FBXO28: variants seen among roughly 807,000 people sequenced by gnomAD.
FBXO28 encodes the protein F-box protein 28, also known as F-box only protein 28.
Under a neutral mutation model 38.1 loss-of-function variants are expected in FBXO28, and 8 were observed. That is an observed-to-expected ratio of 0.21 (90% confidence interval 0.12 to 0.38). FBXO28 has a LOEUF of 0.38. Ranked by LOEUF, FBXO28 falls within the 10% of genes least tolerant of loss-of-function variation. The probability of loss-of-function intolerance (pLI) is 1.00; values close to 1 mark genes in which losing one functional copy is unlikely to be tolerated. For missense variants in FBXO28, 345 were observed against 460.6 expected, an observed-to-expected ratio of 0.75 and a Z score of 2.30; for synonymous variants, 168 against 173.8, an observed-to-expected ratio of 0.97 and a Z score of 0.26.
intron 1 of FBXO28, among the ~76,000 whole-genome samples, chr1:224,118,000 AATTT>A (rs538990108): frequency 5.8e-4 from 33 of 57,382 alleles, no homozygotes; most frequent in African/African-American, 1.1e-3. Flanking sequence ...TTAATTAATT[AATTT>A]ATTTATTTAT....
chr1:224,134,668 C>T (rs922674079), intron 3 of FBXO28, among the ~76,000 whole-genome samples: 22 of 152,272 alleles, frequency 1.4e-4, no homozygotes, highest in African/African-American at 4.1e-4. Context: ...TTGCTATTTA[C>T]CAATATTCCC....
intron 1 of FBXO28, among the ~76,000 whole-genome samples, chr1:224,117,267 A>G (rs1450529877): frequency 7.1e-6 from 1 of 140,232 alleles, no homozygotes; most frequent in East Asian, 2.1e-4. Flanking sequence ...CCTGGGGTTC[A>G]AGCGATTCTC....
intron 1 of FBXO28, among the ~76,000 whole-genome samples, chr1:224,123,928 G>A (rs1048789681): frequency 5.3e-5 from 8 of 151,460 alleles, no homozygotes; most frequent in African/African-American, 1.7e-4. Context: ...GATCAACATG[G>A]TGAAACCCTG....
chr1:224,126,469 A>G (rs1656905775), intron 1 of FBXO28, among the ~76,000 whole-genome samples: 1 of 152,240 alleles, frequency 6.6e-6, no homozygotes. Context: ...AGGTTGTGTT[A>G]GAGGGTACCT....
chr1:224,116,482 C>A (rs1377573935), intron 1 of FBXO28, among the ~76,000 whole-genome samples: 1 of 152,074 alleles, frequency 6.6e-6, no homozygotes, highest in African/African-American at 2.4e-5. Flanking sequence ...ATATAAGTTA[C>A]GTAGTTCTCT....
chr1:224,129,382 C>T (rs1335960564), intron 1 of FBXO28, among the ~76,000 whole-genome samples: 1 of 152,142 alleles, frequency 6.6e-6, no homozygotes, highest in South Asian at 2.1e-4. Flanking sequence ...AATATAAAGG[C>T]CTTGGCCATC....
intron 3 of FBXO28, among the ~76,000 whole-genome samples, chr1:224,136,791 G>A (rs1241553029): frequency 2.0e-5 from 3 of 151,020 alleles, no homozygotes; most frequent in Admixed American, 1.3e-4. Context: ...TCGTTCTGTC[G>A]CCCAGGCTGG....
intron 3 of FBXO28, among the ~76,000 whole-genome samples, chr1:224,136,100 A>ATTTTTTTTTTT (rs1558191323): frequency 1.2e-4 from 1 of 8,640 alleles, no homozygotes; most frequent in African/African-American, 5.5e-4. Context: ...TGTTGACTTC[A>ATTTTTTTTTTT]GTTTTTTTTT....
intron 3 of FBXO28, among the ~76,000 whole-genome samples, chr1:224,147,857 C>G (rs1241967770): frequency 6.7e-6 from 1 of 148,898 alleles, no homozygotes; most frequent in South Asian, 2.1e-4. Context: ...ATTAAATCTA[C>G]TCAGAAAATG....
At chr1:224,149,809 G>C (rs1026070282) in intron 3 of FBXO28, among the ~76,000 whole-genome samples, 3 of 152,142 alleles carry the variant, frequency 2.0e-5, no homozygotes, top group South Asian at 2.1e-4. Context: ...ATTGGAGGAG[G>C]GTTCAGAAAA....
In FBXO28 at chr1:224,161,457, G is replaced by C. The variant is rs1270178207; in HGVS notation, c.*3711G>C. 6.6e-6 allele frequency: 1 copy of C among 152,168 alleles called. No homozygotes were observed. The highest frequency in any genetic ancestry group is 2.4e-5 in the African/African-American group (1 of 41,450). 9.4% of individuals were successfully genotyped at this position (152,168 alleles called of 1,614,324 possible). A position where few individuals can be genotyped will look rare whatever the true frequency, so the allele number is the denominator to read the frequency against. On this transcript the variant is annotated 3_prime_UTR_variant, in exon 5 of 5. Coordinates refer to ENST00000366862, the MANE Select transcript of FBXO28 (RefSeq NM_015176.4). ...TGATTTCTGATATGAAACCCAACTTGATACACTGTTTGGTTCTTTGACTTG... is the reference window on the plus strand; with the variant it reads ...TGATTTCTGATATGAAACCCAACTTCATACACTGTTTGGTTCTTTGACTTG...
chr1:224,161,546 A>G lies in FBXO28; in HGVS notation c.*3800A>G, dbSNP rs1378219512. 1 of 152,260 alleles carries G rather than the reference A, an allele frequency of 6.6e-6. No individual in the cohort carries two copies. The highest frequency in any genetic ancestry group is 1.9e-4 in the East Asian group (1 of 5,206). 9.4% of individuals were successfully genotyped at this position (152,260 alleles called of 1,614,324 possible). A position where few individuals can be genotyped will look rare whatever the true frequency, so the allele number is the denominator to read the frequency against. On this transcript the variant is annotated 3_prime_UTR_variant, in exon 5 of 5. Transcript: ENST00000366862. ...TAAGTTAAAACTACTTTAAACTTGT[A>G]TAGCCTGCCATCTGAGGTGAATTAT...
At chr1:224,154,202 C>T (rs1408559849) in intron 4 of FBXO28, among the ~76,000 whole-genome samples, 1 of 152,196 alleles carries the variant, frequency 6.6e-6, no homozygotes, top group East Asian at 1.9e-4. Flanking sequence ...ACTTCCTTAG[C>T]TTACAGTTGG....
rs555801146 is a variant in FBXO28 at position 224,142,426 on chromosome 1, G to A, written c.516+8214G>A. ...TCCCAACACCTAGGCCAAGGTAGGC[G>A]GATCATTTGAGCTCAGGAGTTCTTT... On this transcript the variant is annotated intron_variant, in intron 3 of 4. Transcript: ENST00000366862. Among the ~76,000 whole-genome samples the A allele has an allele frequency of 1.6e-4, 25 of 152,158 alleles. 1 individual carries two copies. The South Asian group carries it at 3.1e-3, about 19-fold the overall frequency.
rs765272514 is a variant in FBXO28 at position 224,135,631 on chromosome 1, A to AAAAAG, written c.516+1424_516+1428dup. Among the ~76,000 whole-genome samples the AAAAAG allele has an allele frequency of 3.2e-3, 423 of 131,864 alleles. 5 individuals carry two copies. The highest frequency in any genetic ancestry group is 4.5e-3 in the Non-Finnish European group (283 of 62,532). The allele number at this position is 131,864 out of a possible 152,430, so 86.5% of individuals were successfully genotyped here. A position where few individuals can be genotyped will look rare whatever the true frequency, so the allele number is the denominator to read the frequency against. ...TGTCTCAAAAAAAAAAAAAAAAAAAAAAAAGAAAAAGAAAAAGAAAAATTT... is the reference window on the plus strand; with the variant it reads ...TGTCTCAAAAAAAAAAAAAAAAAAAAAAAAGAAAAGAAAAAGAAAAAGAAAAATTT... On this transcript the variant is annotated intron_variant, in intron 3 of 4. Coordinates refer to ENST00000366862, the MANE Select transcript of FBXO28 (RefSeq NM_015176.4).
chr1:224,157,712 T>C lies in FBXO28; in HGVS notation c.1073T>C (p.Leu358Pro). Reference protein sequence around the residue: ...RKKATEAIDSLRKSKRLRNRK With the variant: ...RKKATEAIDSPRKSKRLRNRK ...AAGGCCACGGAAGCCATAGACTCTC[T>C]TAGGAAATCTAAACGTCTTCGGAAT... The change falls in exon 5 of 5, where the codon CTT becomes CCT. Residue 358 changes from leucine (L) to proline (P), a missense_variant. Around this residue, in one of 6 missense-constraint regions of FBXO28, gnomAD observed 151 missense variants for 188.3 expected, o/e 0.80. Coordinates refer to ENST00000366862, the MANE Select transcript of FBXO28 (RefSeq NM_015176.4). 6.2e-7 allele frequency: 1 copy of C among 1,608,354 alleles called. No individual in the cohort carries two copies. Among genetic ancestry groups the C allele is most frequent in the South Asian group, 1.1e-5 (1 of 90,092 alleles).
At chr1:224,120,489 A>T (rs558332189) in intron 1 of FBXO28, among the ~76,000 whole-genome samples, 1 of 152,252 alleles carries the variant, frequency 6.6e-6, no homozygotes, top group Non-Finnish European at 1.5e-5. Context: ...GTGATGCAAT[A>T]TAAGTACTCA....
At chr1:224,144,201 T>C (rs902708227) in intron 3 of FBXO28, among the ~76,000 whole-genome samples, 3 of 144,532 alleles carry the variant, frequency 2.1e-5, no homozygotes, top group Non-Finnish European at 3.0e-5. Flanking sequence ...TGGTGGTTCA[T>C]GCTTGTAATC....
rs373933848 is a variant in FBXO28, at chr1:224,145,721, G to A, written c.517-7421G>A. On this transcript the variant is annotated intron_variant, in intron 3 of 4. Transcript: ENST00000366862. Reference sequence around the variant, plus strand: ...GCAGATCACCTGAGGTCATGAGTTCGAGACCAGCCTGGCCAACATGGTGAA... The same window carrying A: ...GCAGATCACCTGAGGTCATGAGTTCAAGACCAGCCTGGCCAACATGGTGAA... 4.5e-4 allele frequency among the ~76,000 whole-genome samples: 68 copies of A among 152,028 alleles called. No individual in the cohort carries two copies. In the East Asian group the frequency reaches 5.6e-3, roughly 13 times the overall value.
Sources: gnomAD v4.1 joint callset for allele counts (sites outside exome capture counted in the v4.1 genomes callset) on GRCh38, gnomAD v4.1.1 for gene constraint, gnomAD v4.1.1 regional missense constraint, MANE v1.5 for transcripts, NCBI Gene and HGNC (gene_info 2026-07-23, HGNC 2026-07-21) for gene names.